The following MCM5 variants were observed in gnomAD, a reference collection of about 807,000 sequenced individuals.
The protein encoded by MCM5 is minichromosome maintenance complex component 5.
MCM5 carries 46 observed loss-of-function variants against 79.9 expected under a neutral mutation model. The observed-to-expected ratio is 0.58, with a 90% CI of 0.45 to 0.74. MCM5 has a LOEUF of 0.74. MCM5 is among the 30% of genes least tolerant of loss of function. MCM5 has a pLI of 0.00. For missense variants in MCM5, 883 were observed against 1,017.0 expected, an observed-to-expected ratio of 0.87 and a Z score of 1.79; for synonymous variants, 404 against 390.5, an observed-to-expected ratio of 1.03 and a Z score of -0.41.
In MCM5 at chr22:35,415,829, G is replaced by A. The variant is rs768308143; in HGVS notation, c.1204G>A (p.Val402Ile). 2.5e-6 allele frequency: 4 copies of A among 1,612,370 alleles called. No individual in the cohort carries two copies. The highest frequency in any genetic ancestry group is 1.3e-5 in the African/African-American group (1 of 74,898). The change falls in exon 10 of 17, where the codon GTA becomes ATA. Residue 402 changes from valine (V) to isoleucine (I), a missense_variant and splice_region_variant. By Grantham distance (29) the Val-to-Ile change is conservative. Transcript: ENST00000216122. ...KFVEKCSPIG[V>I]YTSGKGSSAA... ...CCCTGACACCACCCCACTGCCCCAG[G>A]TATACACGTCTGGGAAAGGCAGCAG...
At chr22:35,446,655 C>T in the MCM5 span, among the ~76,000 whole-genome samples, 40 of 152,086 alleles carry the variant, frequency 2.6e-4, no homozygotes, top group Non-Finnish European at 4.7e-4. Context: ...AGTGGCTGCC[C>T]GTCCGCAGTG....
the MCM5 span, among the ~76,000 whole-genome samples, chr22:35,453,566 CAG>C: frequency 0.57 from 86,439 of 150,458 alleles, 25,399 homozygotes; most frequent in Middle Eastern, 0.65. Flanking sequence ...GAGAGAATGA[CAG>C]AGTGAATCAG....
chr22:35,453,815 T>TAGAG, the MCM5 span, among the ~76,000 whole-genome samples: 378 of 89,174 alleles, frequency 4.2e-3, 2 homozygotes, highest in Middle Eastern at 0.047. Context: ...TATATATATA[T>TAGAG]ATATAGAGAG....
intron 13 of MCM5, among the ~76,000 whole-genome samples, chr22:35,419,235 C>G (rs999356957): frequency 6.6e-6 from 1 of 152,132 alleles, no homozygotes; most frequent in Non-Finnish European, 1.5e-5. Context: ...GGAGTTCCCT[C>G]CCTCCCTCTG....
chr22:35,449,005 CAG>C, the MCM5 span, among the ~76,000 whole-genome samples: 1 of 152,186 alleles, frequency 6.6e-6, no homozygotes, highest in Non-Finnish European at 1.5e-5. Context: ...AGTCCAGCAT[CAG>C]TGTGGTGGGA....
At chr22:35,454,289 T>G in the MCM5 span, among the ~76,000 whole-genome samples, 1 of 152,138 alleles carries the variant, frequency 6.6e-6, no homozygotes. Flanking sequence ...GAGCTCCTGA[T>G]GGGTAAATAT....
At chr22:35,436,178 A>AAAG in the MCM5 span, among the ~76,000 whole-genome samples, 39 of 133,224 alleles carry the variant, frequency 2.9e-4, no homozygotes, top group African/African-American at 9.4e-4. Context: ...AAAAAAAAAA[A>AAAG]AAAAAGAAAA....
intron 10 of MCM5, 115 bp from the exon 11 acceptor site, chr22:35,416,224 G>A: frequency 9.1e-7 from 1 of 1,095,918 alleles, no homozygotes; most frequent in Non-Finnish European, 1.4e-6. Flanking sequence ...GCTGCCATTG[G>A]CCTTGCGTGG....
At chr22:35,400,734 C>T (rs2145779689) in intron 2 of MCM5, 129 bp downstream of exon 2, 3 of 979,346 alleles carry the variant, frequency 3.1e-6, no homozygotes, top group Non-Finnish European at 4.4e-6. Flanking sequence ...GGTCCTGGGT[C>T]ACAGGGCTCA....
At chr22:35,450,702 C>CTGG in the MCM5 span, among the ~76,000 whole-genome samples, 1 of 152,230 alleles carries the variant, frequency 6.6e-6, no homozygotes, top group African/African-American at 2.4e-5. Flanking sequence ...CACGTTGACA[C>CTGG]TGGTCCTCTC....
intron 4 of MCM5, 46 bp downstream of exon 4, chr22:35,403,588 A>G: frequency 2.5e-6 from 4 of 1,603,474 alleles, no homozygotes; most frequent in African/African-American, 1.3e-5. Context: ...AGGGCTTTGG[A>G]TGCAGCCAGA....
intron 2 of MCM5, chr22:35,401,343 ACTTCG>A (rs1223219666): frequency 4.3e-6 from 2 of 466,648 alleles, no homozygotes; most frequent in Admixed American, 4.7e-5. Flanking sequence ...GATTCACTTC[ACTTCG>A]CTCATTCATT....
In MCM5 at chr22:35,423,233, C is replaced by T. The variant is rs1394631854; in HGVS notation, c.1995C>T (p.Ser665=). ...CCACAGGGGTGGAGGGCTTCACCAG[C>T]CAGGAGGACCAGGAGATGCTGAGCC... ...GTLSGVEGFT[S]QEDQEMLSRI... Residue 665 remains serine, a synonymous_variant, in exon 16 of 17, where the codon AGC becomes AGT. Transcript: ENST00000216122. 10 of 1,592,224 alleles carry T rather than the reference C, an allele frequency of 6.3e-6. No individual in the cohort carries two copies. In the South Asian group the frequency reaches 9.0e-5, roughly 14 times the overall value.
Position 35,416,628 on chromosome 22 carries a change from C to T in MCM5, c.1414-10C>T, listed in dbSNP as rs370946820. 69 of 1,610,438 alleles carry T rather than the reference C, an allele frequency of 4.3e-5. No homozygotes were observed. Among genetic ancestry groups the T allele is most frequent in the African/African-American group, 2.1e-4 (16 of 74,788 alleles). On this transcript the variant is annotated splice_polypyrimidine_tract_variant and intron_variant, in intron 11 of 16. Transcript: ENST00000216122. ...TCTCCTCCCCCTTTTCGTCGTCTGTCGCCTGTTAGGCTGGGATCACCACCA... is the reference window on the plus strand; with the variant it reads ...TCTCCTCCCCCTTTTCGTCGTCTGTTGCCTGTTAGGCTGGGATCACCACCA...
intron 4 of MCM5, among the ~76,000 whole-genome samples, chr22:35,404,681 G>C (rs962198897): frequency 6.6e-6 from 1 of 152,204 alleles, no homozygotes; most frequent in Non-Finnish European, 1.5e-5. Flanking sequence ...ATGGAGTCTT[G>C]AATTCCGCCT....
In MCM5 at chr22:35,408,467, G is replaced by A. The variant is rs1398479945; in HGVS notation, c.656G>A (p.Cys219Tyr). ...LDPYFIMPDK[C>Y]KCVDFQTLKL... ...CCGTACTTCATCATGCCCGACAAAT[G>A]CAAATGCGTGGACTTCCAGACCCTG... Residue 219 changes from cysteine to tyrosine, a missense_variant, in exon 6 of 17, where the codon TGC (cysteine) becomes TAC (tyrosine). Transcript: ENST00000216122. 4 of 1,614,196 alleles carry A rather than the reference G, an allele frequency of 2.5e-6. No homozygotes were observed. The highest frequency in any genetic ancestry group is 3.4e-6 in the Non-Finnish European group (4 of 1,180,022).
At chr22:35,424,102 T>C in intron 16 of MCM5, 52 bp from the exon 17 acceptor site, 1 of 1,254,004 alleles carries the variant, frequency 8.0e-7, no homozygotes, top group Non-Finnish European at 1.1e-6. Context: ...CTGGGCTCTG[T>C]CGGAGTCCCC....
the MCM5 span, among the ~76,000 whole-genome samples, chr22:35,451,400 G>A: frequency 3.6e-4 from 55 of 152,356 alleles, no homozygotes; most frequent in East Asian, 4.8e-3. Context: ...CTTGCCAGGC[G>A]GCTCTGCCAA....
chr22:35,401,843 G>A (rs1371219568), intron 2 of MCM5: 1 of 384,978 alleles, frequency 2.6e-6, no homozygotes, highest in East Asian at 7.2e-5. Flanking sequence ...GTTTTCCGGG[G>A]GGCTGAAGTT....
Sources: gnomAD v4.1 joint callset for allele counts (sites outside exome capture counted in the v4.1 genomes callset) on GRCh38, gnomAD v4.1.1 for gene constraint, MANE v1.5 for transcripts, NCBI Gene and HGNC (gene_info 2026-07-23, HGNC 2026-07-21) for gene names.